C11orf65: variants seen among roughly 807,000 people sequenced by gnomAD.
C11orf65 encodes the protein protein MFI.
C11orf65 carries 38 observed loss-of-function variants against 35.3 expected under a neutral mutation model. The observed-to-expected ratio is 1.08, with a 90% confidence interval of 0.83 to 1.41. The LOEUF (loss-of-function observed/expected upper bound fraction) is 1.41, where lower values mean the gene tolerates loss of function less well. C11orf65 is among the 40% of genes most tolerant of loss of function. The pLI is 0.00. For missense variants in C11orf65, 370 were observed against 367.1 expected, an observed-to-expected ratio of 1.01 and a Z score of -0.06; for synonymous variants, 105 against 114.4, an observed-to-expected ratio of 0.92 and a Z score of 0.53.
intron 3 of C11orf65, among the ~76,000 whole-genome samples, chr11:108,408,703 TA>T (rs1241934982): frequency 8.0e-6 from 1 of 125,362 alleles, no homozygotes; most frequent in African/African-American, 3.0e-5. Context: ...TAAAATAAAA[TA>T]AAATAAAATA....
intron 6 of C11orf65, chr11:108,317,652 T>TATATATATATACACACACACACAC (rs1399501257): frequency 7.7e-5 from 9 of 117,458 alleles, no homozygotes; most frequent in African/African-American, 4.0e-4. Flanking sequence ...TATATATATA[T>TATATATATATACACACACACACAC]ACACACACAC....
At chr11:108,325,249 G>GTTTTTTTTTTTTTTTTTTTTA in intron 6 of C11orf65, 1 of 565,840 alleles carries the variant, frequency 1.8e-6, no homozygotes, top group Non-Finnish European at 3.0e-6. Context: ...AACTTACATA[G>GTTTTTTTTTTTTTTTTTTTTA]TTTTTTTTTT....
intron 2 of C11orf65, among the ~76,000 whole-genome samples, chr11:108,348,222 GTATA>G (rs1286571838): frequency 1.3e-5 from 2 of 150,654 alleles, no homozygotes; most frequent in Admixed American, 6.6e-5. Flanking sequence ...TAGCTTCTAT[GTATA>G]TATATAGACA....
At chr11:108,338,880 A>G (rs2087152461) in intron 2 of C11orf65, among the ~76,000 whole-genome samples, 1 of 152,204 alleles carries the variant, frequency 6.6e-6, no homozygotes. Flanking sequence ...AAGGTTCCCT[A>G]GACTACAGCG....
At position 108,383,133 on chromosome 11, in the gene C11orf65, C is replaced by A; in HGVS notation, c.830G>T (p.Gly277Val). The change falls in exon 9 of 9, where the codon GGA becomes GTA. Residue 277 changes from glycine to valine, a missense_variant. By Grantham distance (109) the Gly-to-Val change is moderately radical. Coordinates refer to ENST00000393084, the MANE Select transcript of C11orf65 (RefSeq NM_152587.5). ...NQAQKNIYNY[G>V]GDISKMQMGI... ...CATTTGCATCTTTGATATGTCTCCTCCATAGTTATATATGTTTTTCTGTGC... is the reference window on the plus strand; with the variant it reads ...CATTTGCATCTTTGATATGTCTCCTACATAGTTATATATGTTTTTCTGTGC... The A allele has an allele frequency of 6.2e-7, 1 of 1,609,026 alleles. No individual in the cohort carries two copies. The highest frequency in any genetic ancestry group is 8.5e-7 in the Non-Finnish European group (1 of 1,178,492).
intron 2 of C11orf65, among the ~76,000 whole-genome samples, chr11:108,449,242 T>C (rs1483387474): frequency 6.6e-6 from 1 of 152,034 alleles, no homozygotes; most frequent in African/African-American, 2.4e-5. Context: ...GCCATCCCCA[T>C]CAAGCTACCA....
chr11:108,408,765 G>C lies in C11orf65; in HGVS notation c.175-1616C>G, dbSNP rs1306162311. On this transcript the variant is annotated intron_variant, in intron 3 of 8. Transcript: ENST00000393084. ...AGAATTGTATATAATAGGTTTTCTA[G>C]ATTTTAGTTTGGTATGCAGCACCAA... Among the ~76,000 whole-genome samples the C allele has an allele frequency of 4.2e-5, 6 of 143,634 alleles. No individual in the cohort carries two copies. The East Asian group carries it at 1.3e-3, about 31-fold the overall frequency. 94.2% of individuals were successfully genotyped at this position (143,634 alleles called of 152,430 possible).
At chr11:108,448,743 T>TCAC (rs1390401546) in intron 2 of C11orf65, among the ~76,000 whole-genome samples, 4 of 152,176 alleles carry the variant, frequency 2.6e-5, no homozygotes, top group African/African-American at 9.7e-5. Context: ...ATGCCCTCTC[T>TCAC]CACCACTCCT....
rs2093095058 is a variant in C11orf65 at position 108,438,238 on chromosome 11, G to T, written c.82-6400C>A. Reference sequence around the variant, plus strand: ...ATTGGGTCCTTAATTTACACCATATGCAACATTAAATCAAAATGGATCAAA... The same window carrying T: ...ATTGGGTCCTTAATTTACACCATATTCAACATTAAATCAAAATGGATCAAA... On this transcript the variant is annotated intron_variant, in intron 2 of 8. Coordinates refer to ENST00000393084, the MANE Select transcript of C11orf65 (RefSeq NM_152587.5). 2.6e-5 allele frequency among the ~76,000 whole-genome samples: 4 copies of T among 152,108 alleles called. No homozygotes were observed. In the South Asian group the frequency reaches 8.3e-4, roughly 31 times the overall value.
chr11:108,367,929 C>T (rs2091417519), intron 2 of C11orf65: 1 of 205,772 alleles, frequency 4.9e-6, no homozygotes. Flanking sequence ...CTTAAAATGT[C>T]TTTAAGAAAG....
intron 2 of C11orf65, chr11:108,345,982 T>C: frequency 6.5e-7 from 1 of 1,549,282 alleles, no homozygotes; most frequent in Non-Finnish European, 8.9e-7. Flanking sequence ...GATTCAGCAC[T>C]TTTTCTACAT....
chr11:108,393,162 C>A, intron 7 of C11orf65, 46 bp downstream of exon 7: 1 of 1,526,540 alleles, frequency 6.6e-7, no homozygotes, highest in South Asian at 1.3e-5. Flanking sequence ...TAGAAAAAAA[C>A]TATGATGACT....
chr11:108,381,709 T>G (rs543803570), downstream of C11orf65, among the ~76,000 whole-genome samples: 1 of 152,262 alleles, frequency 6.6e-6, no homozygotes, highest in Non-Finnish European at 1.5e-5. Flanking sequence ...CAATGTCTTA[T>G]GGTTTCCTTT....
At chr11:108,407,830 G>A (rs2092571574) in intron 3 of C11orf65, among the ~76,000 whole-genome samples, 1 of 149,558 alleles carries the variant, frequency 6.7e-6, no homozygotes, top group Admixed American at 6.7e-5. Flanking sequence ...TACTCAGGAG[G>A]CTGAGGCAGG....
chr11:108,348,392 A>T (rs2088741946), intron 2 of C11orf65, among the ~76,000 whole-genome samples: 1 of 151,368 alleles, frequency 6.6e-6, no homozygotes, highest in African/African-American at 2.4e-5. Flanking sequence ...AAGAAAGAAT[A>T]TGTAGCTTCT....
At chr11:108,443,710 T>C (rs942849464) in intron 2 of C11orf65, among the ~76,000 whole-genome samples, 1 of 152,156 alleles carries the variant, frequency 6.6e-6, no homozygotes, top group African/African-American at 2.4e-5. Context: ...AACCTGCTCC[T>C]GAATGACTAC....
chr11:108,389,585 C>T (rs992838117), intron 7 of C11orf65, among the ~76,000 whole-genome samples: 1 of 152,142 alleles, frequency 6.6e-6, no homozygotes, highest in African/African-American at 2.4e-5. Flanking sequence ...TTTTCAGTTG[C>T]TCTTATCATC....
intron 2 of C11orf65, among the ~76,000 whole-genome samples, chr11:108,357,138 G>A (rs372707035): frequency 4.6e-5 from 7 of 152,358 alleles, no homozygotes; most frequent in Admixed American, 1.3e-4. Context: ...CTTGGGAAGC[G>A]CAAGGGTCAG....
chr11:108,449,765 C>A lies in C11orf65; in HGVS notation c.81+11714G>T, dbSNP rs560660256. On this transcript the variant is annotated intron_variant, in intron 2 of 8. Coordinates refer to ENST00000393084, the MANE Select transcript of C11orf65 (RefSeq NM_152587.5). ...TCTGAAACACCAAAAGCAATGGCAA[C>A]AAAAGCCAAAATTGACAAATGGGAT... Among the ~76,000 whole-genome samples, 157 of 152,084 alleles carry A rather than the reference C, an allele frequency of 1.0e-3. 3 individuals are homozygous for A. Among genetic ancestry groups the A allele is most frequent in the African/African-American group, 3.7e-3 (153 of 41,384 alleles).
Sources: gnomAD v4.1 joint callset for allele counts (sites outside exome capture counted in the v4.1 genomes callset) on GRCh38, gnomAD v4.1.1 for gene constraint, MANE v1.5 for transcripts, NCBI Gene and HGNC (gene_info 2026-07-23, HGNC 2026-07-21) for gene names.